LRP1B: variants seen among roughly 807,000 people sequenced by gnomAD.
The protein encoded by LRP1B is low-density lipoprotein receptor-related protein 1B.
A neutral mutation model predicts 556.6 loss-of-function variants in LRP1B; 217 were observed. The ratio of observed to expected loss-of-function variants is 0.39; its 90% confidence interval spans 0.35 to 0.44. LRP1B has a LOEUF of 0.44. Among genes scored for constraint, LRP1B ranks in the 20% least tolerant of loss-of-function variants. The probability of loss-of-function intolerance (pLI) is 1.00; values close to 1 mark genes in which losing one functional copy is unlikely to be tolerated. For synonymous variants in LRP1B, 2,047 were observed against 1,865.8 expected (o/e 1.10, Z -2.50); for missense variants, 5,053 against 5,620.8 (o/e 0.90, Z 3.23).
intron 7 of LRP1B, among the ~76,000 whole-genome samples, chr2:141,180,221 A>T (rs1250304294): frequency 6.6e-6 from 1 of 151,774 alleles, no homozygotes; most frequent in Non-Finnish European, 1.5e-5. Context: ...ACATAACTCC[A>T]AGAGTTCATG....
intron 20 of LRP1B, among the ~76,000 whole-genome samples, chr2:140,947,689 GA>G (rs1483925861): frequency 5.3e-5 from 8 of 152,086 alleles, no homozygotes; most frequent in African/African-American, 1.9e-4. Flanking sequence ...GAAATCCTTT[GA>G]ATTGTCTTTT....
At position 141,247,660 on chromosome 2, in the gene LRP1B, G is replaced by T. The variant is rs1684117804; in HGVS notation, c.464-306C>A. Reference sequence around the variant, plus strand: ...ACAAAATGCACTCCAATTAATATTTGTTGAATATTTCCAGTGTTTATGACA... The same window carrying T: ...ACAAAATGCACTCCAATTAATATTTTTTGAATATTTCCAGTGTTTATGACA... On this transcript the variant is annotated intron_variant, in intron 4 of 90. Transcript: ENST00000389484. 2.0e-5 allele frequency among the ~76,000 whole-genome samples: 3 copies of T among 152,180 alleles called. No homozygotes were observed. In the South Asian group the frequency reaches 6.2e-4, roughly 32 times the overall value.
At chr2:142,021,319 CGT>C (rs35409411) in intron 1 of LRP1B, among the ~76,000 whole-genome samples, 10,625 of 150,890 alleles carry the variant, frequency 0.07, 459 homozygotes, top group East Asian at 0.17. Flanking sequence ...TGTGTATGTG[CGT>C]GTGTGTGTGT....
chr2:140,697,819 A>C (rs1686485524), intron 41 of LRP1B, among the ~76,000 whole-genome samples: 1 of 152,100 alleles, frequency 6.6e-6, no homozygotes, highest in Non-Finnish European at 1.5e-5. Flanking sequence ...CAGAGTTTCT[A>C]TTTGAAGTGA....
intron 53 of LRP1B, among the ~76,000 whole-genome samples, chr2:140,503,642 C>T (rs1293508765): frequency 1.3e-5 from 2 of 152,012 alleles, no homozygotes; most frequent in Admixed American, 6.6e-5. Flanking sequence ...CATCTTGATT[C>T]TTAGAGTCAC....
At chr2:141,470,068 A>G (rs988566777) in intron 3 of LRP1B, among the ~76,000 whole-genome samples, 1 of 152,216 alleles carries the variant, frequency 6.6e-6, no homozygotes, top group Admixed American at 6.5e-5. Context: ...GGTACCATCC[A>G]CAGTTTCAGG....
chr2:141,821,677 C>CA (rs201267226), intron 1 of LRP1B, among the ~76,000 whole-genome samples: 1 of 151,630 alleles, frequency 6.6e-6, no homozygotes, highest in East Asian at 1.9e-4. Flanking sequence ...TGTCCTTCAC[C>CA]AAAAAAATTA....
chr2:141,470,247 T>C (rs548243134), intron 3 of LRP1B, among the ~76,000 whole-genome samples: 2 of 152,330 alleles, frequency 1.3e-5, no homozygotes, highest in East Asian at 3.9e-4. Flanking sequence ...GGTGCAGATC[T>C]ACTTCAAAGA....
At chr2:140,939,707 G>T (rs925386328) in intron 20 of LRP1B, among the ~76,000 whole-genome samples, 1 of 151,296 alleles carries the variant, frequency 6.6e-6, no homozygotes, top group African/African-American at 2.4e-5. Context: ...AAAGAACAAT[G>T]ACAATAAACC....
chr2:141,859,615 A>G (rs1441123533), intron 1 of LRP1B, among the ~76,000 whole-genome samples: 4 of 152,210 alleles, frequency 2.6e-5, no homozygotes, highest in Non-Finnish European at 4.4e-5. Flanking sequence ...ACAATAATGC[A>G]CTGTATATTT....
Position 140,707,168 on chromosome 2 carries a change from C to T in LRP1B, c.6024-4615G>A, listed in dbSNP as rs114924559. On this transcript the variant is annotated intron_variant, in intron 37 of 90. Coordinates refer to ENST00000389484, the MANE Select transcript of LRP1B (RefSeq NM_018557.3). ...AGTTGCAATTTTTACAATAAATGTG[C>T]CATTTCTTCCTACTTTTCTGGCTTC... Among the ~76,000 whole-genome samples, 373 of 152,140 alleles carry T rather than the reference C, an allele frequency of 2.5e-3. 2 individuals carry two copies. Among genetic ancestry groups the T allele is most frequent in the African/African-American group, 8.7e-3 (361 of 41,542 alleles).
chr2:141,809,854 C>T (rs1696280598), intron 2 of LRP1B, among the ~76,000 whole-genome samples: 1 of 151,916 alleles, frequency 6.6e-6, no homozygotes, highest in South Asian at 2.1e-4. Context: ...TTCCTTCTGT[C>T]TCAAAATGTG....
At chr2:141,209,339 C>T (rs1030059083) in intron 6 of LRP1B, among the ~76,000 whole-genome samples, 1 of 152,106 alleles carries the variant, frequency 6.6e-6, no homozygotes, top group Non-Finnish European at 1.5e-5. Flanking sequence ...TTGCTGGGCA[C>T]TTCTCCTTGC....
At chr2:141,967,487 T>C (rs1287042088) in intron 1 of LRP1B, among the ~76,000 whole-genome samples, 1 of 151,884 alleles carries the variant, frequency 6.6e-6, no homozygotes, top group African/African-American at 2.4e-5. Flanking sequence ...CTCACCGTAT[T>C]TCTTATCGAA....
At chr2:141,219,067 T>C (rs1682931829) in intron 6 of LRP1B, among the ~76,000 whole-genome samples, 1 of 152,196 alleles carries the variant, frequency 6.6e-6, no homozygotes, top group Non-Finnish European at 1.5e-5. Flanking sequence ...TTTCTTCAGA[T>C]CTGTACATCC....
chr2:140,896,791 T>A (rs972938898), intron 23 of LRP1B, among the ~76,000 whole-genome samples: 30 of 143,882 alleles, frequency 2.1e-4, no homozygotes, highest in African/African-American at 7.7e-4. Context: ...AAAAGCCTGC[T>A]ATCATCATTT....
At chr2:140,630,367 G>A (rs991706324) in intron 41 of LRP1B, among the ~76,000 whole-genome samples, 1 of 152,176 alleles carries the variant, frequency 6.6e-6, no homozygotes, top group Admixed American at 6.5e-5. Context: ...GAGAAAAGCT[G>A]CAAAACTGAA....
rs2105327832 is a variant in LRP1B at position 141,247,355 on chromosome 2, C to T, written c.464-1G>A. ...CCATAAACAGCACATTCATCTTGAT[C>T]TAAAAAGGAAAATTGGCATCATTTC... On this transcript the variant is annotated splice_acceptor_variant, in intron 4 of 90. Transcript: ENST00000389484. LOFTEE classifies it high-confidence loss of function. The T allele has an allele frequency of 6.2e-7, 1 of 1,613,122 alleles. No individual in the cohort carries two copies. The highest frequency in any genetic ancestry group is 8.5e-7 in the Non-Finnish European group (1 of 1,179,454).
At chr2:141,479,901 A>G (rs917560591) in intron 3 of LRP1B, among the ~76,000 whole-genome samples, 2 of 152,168 alleles carry the variant, frequency 1.3e-5, no homozygotes, top group Admixed American at 6.5e-5. Flanking sequence ...AAAAAGACAA[A>G]ATTACAAGAA....
Sources: gnomAD v4.1 joint callset for allele counts (sites outside exome capture counted in the v4.1 genomes callset) on GRCh38, gnomAD v4.1.1 for gene constraint, MANE v1.5 for transcripts, NCBI Gene and HGNC (gene_info 2026-07-23, HGNC 2026-07-21) for gene names.